UBXN2B: variants seen among roughly 807,000 people sequenced by gnomAD.
The protein encoded by UBXN2B is UBX domain protein 2B.
Under a neutral mutation model 37.5 loss-of-function variants are expected in UBXN2B, and 19 were observed. That is an observed-to-expected ratio of 0.51 (90% CI 0.35 to 0.74). The LOEUF (loss-of-function observed/expected upper bound fraction) is 0.74, where lower values mean the gene tolerates loss of function less well. UBXN2B is among the 30% of genes least tolerant of loss of function. The probability of loss-of-function intolerance (pLI) is 0.01; values close to 1 mark genes in which losing one functional copy is unlikely to be tolerated. For missense variants in UBXN2B, 370 were observed against 393.2 expected, an observed-to-expected ratio of 0.94 and a Z score of 0.50; for synonymous variants, 145 against 143.8, an observed-to-expected ratio of 1.01 and a Z score of -0.06.
intron 1 of UBXN2B, among the ~76,000 whole-genome samples, chr8:58,416,193 A>C (rs1325398276): frequency 1.3e-5 from 2 of 152,056 alleles, no homozygotes; most frequent in Non-Finnish European, 2.9e-5. Context: ...ACAATACTGA[A>C]ATATTGGATT....
intron 2 of UBXN2B, among the ~76,000 whole-genome samples, chr8:58,428,526 C>T (rs1468712491): frequency 6.6e-6 from 1 of 152,118 alleles, no homozygotes; most frequent in Admixed American, 6.5e-5. Context: ...GAATTTTGTC[C>T]CTTGTCCTCT....
chr8:58,435,686 T>C (rs1808395552), intron 5 of UBXN2B, among the ~76,000 whole-genome samples: 1 of 152,206 alleles, frequency 6.6e-6, no homozygotes, highest in Non-Finnish European at 1.5e-5. Context: ...AAAACTAATT[T>C]ATTGTTAAAT....
intron 2 of UBXN2B, among the ~76,000 whole-genome samples, chr8:58,419,977 A>G (rs368470827): frequency 6.6e-6 from 1 of 152,242 alleles, no homozygotes; most frequent in Non-Finnish European, 1.5e-5. Context: ...TTCACTTTGC[A>G]CTGGGTCTCA....
At chr8:58,425,340 C>T in intron 2 of UBXN2B, 1 of 1,153,588 alleles carries the variant, frequency 8.7e-7, no homozygotes, top group Non-Finnish European at 1.3e-6. Context: ...CTTGGAATAC[C>T]ATCCGCCAAA....
chr8:58,425,855 A>G, intron 2 of UBXN2B: 2 of 1,158,072 alleles, frequency 1.7e-6, no homozygotes, highest in South Asian at 1.2e-5. Context: ...ACAGCAAATC[A>G]TAACATGGGC....
At chr8:58,426,503 C>T (rs1269981644) in intron 2 of UBXN2B, 20 of 720,364 alleles carry the variant, frequency 2.8e-5, no homozygotes, top group Non-Finnish European at 4.4e-5. Context: ...CCACCGTGAC[C>T]GGCCCAGTGT....
At chr8:58,431,003 A>G (rs1025761445) in intron 3 of UBXN2B, among the ~76,000 whole-genome samples, 1 of 152,154 alleles carries the variant, frequency 6.6e-6, no homozygotes, top group Non-Finnish European at 1.5e-5. Flanking sequence ...TGATTGTAGT[A>G]TAATATGAAA....
Position 58,450,269 on chromosome 8 carries a change from T to A in UBXN2B, c.*2718T>A, listed in dbSNP as rs886076459. The A allele has an allele frequency of 9.2e-5, 14 of 152,298 alleles. No individual in the cohort carries two copies. The highest frequency in any genetic ancestry group is 3.4e-4 in the African/African-American group (14 of 41,568). The allele number at this position is 152,298 out of a possible 1,614,324, so 9.4% of individuals were successfully genotyped here. On this transcript the variant is annotated 3_prime_UTR_variant, in exon 8 of 8. Transcript: ENST00000399598. ...TTCCCTCAATCTACCTCTTTCCACA[T>A]TTTACTATAATCAGCAAGAAGACAG...
rs903767948 is a variant in UBXN2B, at chr8:58,451,098, T to C, written c.*3547T>C. On this transcript the variant is annotated 3_prime_UTR_variant, in exon 8 of 8. Transcript: ENST00000399598. ...TTGAACATTGTAAATCAAAGGGCAT[T>C]GTCCTGTTTTGGATTAACAAAACAG... 1.3e-5 allele frequency: 2 copies of C among 152,676 alleles called. No homozygotes were observed. The highest frequency in any genetic ancestry group is 2.9e-5 in the Non-Finnish European group (2 of 68,044). The allele number at this position is 152,676 out of a possible 1,614,324, so 9.5% of individuals were successfully genotyped here. A position where few individuals can be genotyped will look rare whatever the true frequency, so the allele number is the denominator to read the frequency against.
chr8:58,412,035 T>C (rs1005659264), intron 1 of UBXN2B, among the ~76,000 whole-genome samples: 1 of 152,190 alleles, frequency 6.6e-6, no homozygotes, highest in Non-Finnish European at 1.5e-5. Flanking sequence ...AACTGGGAAA[T>C]AAAATTTCGT....
chr8:58,441,395 GTATA>G (rs1053949792), intron 6 of UBXN2B, among the ~76,000 whole-genome samples: 3 of 136,324 alleles, frequency 2.2e-5, no homozygotes, highest in African/African-American at 5.8e-5. Context: ...GTATGTATGT[GTATA>G]TATAGTATGT....
chr8:58,431,265 C>T (rs1440641815), intron 3 of UBXN2B, among the ~76,000 whole-genome samples: 1 of 152,200 alleles, frequency 6.6e-6, no homozygotes, highest in Non-Finnish European at 1.5e-5. Flanking sequence ...AGGCAGATCA[C>T]AGTTCAAGAC....
intron 2 of UBXN2B, among the ~76,000 whole-genome samples, chr8:58,417,605 G>C (rs904979684): frequency 6.6e-6 from 1 of 152,130 alleles, no homozygotes; most frequent in Non-Finnish European, 1.5e-5. Context: ...TTGTTGCCAG[G>C]AATATTTTCA....
intron 1 of UBXN2B, among the ~76,000 whole-genome samples, chr8:58,415,955 C>G (rs1807768128): frequency 6.6e-6 from 1 of 151,016 alleles, no homozygotes. Context: ...CCCTGTTCTT[C>G]TTGGAGGTAG....
At chr8:58,424,979 G>A (rs981536790) in intron 2 of UBXN2B, 146 of 793,284 alleles carry the variant, frequency 1.8e-4, no homozygotes, top group Non-Finnish European at 3.0e-4. Context: ...GTCCCTGTCC[G>A]GCCAATTCCA....
chr8:58,426,455 T>A (rs1295855368), intron 2 of UBXN2B: 5 of 664,060 alleles, frequency 7.5e-6, no homozygotes, highest in Admixed American at 1.9e-5. Context: ...TGATCCGCCC[T>A]CCTCAGCCTC....
At chr8:58,424,517 G>A (rs538834881) in intron 2 of UBXN2B, 14 of 752,306 alleles carry the variant, frequency 1.9e-5, no homozygotes, top group African/African-American at 7.1e-5. Context: ...ACTTTCTTGC[G>A]AAAGTTTGAT....
intron 6 of UBXN2B, among the ~76,000 whole-genome samples, chr8:58,442,938 G>A (rs1286628954): frequency 6.6e-5 from 10 of 152,154 alleles, no homozygotes; most frequent in Admixed American, 5.9e-4. Flanking sequence ...TGGGGCCCTA[G>A]ACCCTGAGGG....
At chr8:58,423,146 T>C (rs1807973619) in intron 2 of UBXN2B, among the ~76,000 whole-genome samples, 1 of 152,122 alleles carries the variant, frequency 6.6e-6, no homozygotes, top group Admixed American at 6.5e-5. Flanking sequence ...GAAGGGAAGC[T>C]GCGACAATTC....
Sources: allele counts gnomAD v4.1 joint callset (sites outside exome capture counted in the v4.1 genomes callset), GRCh38; gene constraint gnomAD v4.1.1; transcripts MANE v1.5; gene names NCBI Gene and HGNC (gene_info 2026-07-23, HGNC 2026-07-21).